FAXDC2: variants seen among roughly 807,000 people sequenced by gnomAD.
FAXDC2 encodes fatty acid hydroxylase domain-containing protein 2.
In FAXDC2, 41 loss-of-function variants were observed where a neutral mutation model predicts 40.9. That is an observed-to-expected ratio of 1.00 (90% confidence interval 0.78 to 1.30). The LOEUF is 1.30. FAXDC2 is among the 50% of genes most tolerant of loss of function. FAXDC2 has a pLI of 0.00. For synonymous variants in FAXDC2, 157 were observed against 149.3 expected, an observed-to-expected ratio of 1.05 and a Z score of -0.38; for missense variants, 390 against 408.8, an observed-to-expected ratio of 0.95 and a Z score of 0.40.
chr5:154,849,592 C>T (rs1350954590), intron 1 of FAXDC2, among the ~76,000 whole-genome samples: 1 of 152,168 alleles, frequency 6.6e-6, no homozygotes, highest in Non-Finnish European at 1.5e-5. Flanking sequence ...TCAACATTTG[C>T]TATGGAACAT....
chr5:154,834,414 TCTTAA>T (rs1301968290), intron 4 of FAXDC2, among the ~76,000 whole-genome samples: 1 of 152,138 alleles, frequency 6.6e-6, no homozygotes, highest in Non-Finnish European at 1.5e-5. Flanking sequence ...TTGGGAGGAG[TCTTAA>T]CTTCTCAGCT....
chr5:154,824,594 CCTT>C (rs1427552106), intron 5 of FAXDC2: 2 of 702,168 alleles, frequency 2.8e-6, no homozygotes, highest in African/African-American at 3.5e-5. Flanking sequence ...GGCCATTACA[CCTT>C]CTGGAAACCT....
At chr5:154,828,959 GC>G (rs1760119885) in intron 5 of FAXDC2, among the ~76,000 whole-genome samples, 1 of 141,426 alleles carries the variant, frequency 7.1e-6, no homozygotes, top group African/African-American at 2.7e-5. Flanking sequence ...TTGCTCTGTC[GC>G]CCAGGCTGGA....
At chr5:154,832,216 G>GA (rs60418216) in intron 4 of FAXDC2, among the ~76,000 whole-genome samples, 8 of 134,948 alleles carry the variant, frequency 5.9e-5, no homozygotes, top group Admixed American at 7.5e-5. Flanking sequence ...ATTTACTTTT[G>GA]TTTTTTTTTT....
chr5:154,846,933 TGTTTTTTTTTTAGTG>T (rs1345823263), intron 1 of FAXDC2, among the ~76,000 whole-genome samples: 2 of 151,796 alleles, frequency 1.3e-5, no homozygotes, highest in East Asian at 3.9e-4. Context: ...GTTTTTTGTT[TGTTTTTTTTTTAGTG>T]TGAACCAAGG....
chr5:154,848,456 C>T (rs1322385459), intron 1 of FAXDC2, among the ~76,000 whole-genome samples: 1 of 152,086 alleles, frequency 6.6e-6, no homozygotes, highest in Non-Finnish European at 1.5e-5. Context: ...GGCAACTGAC[C>T]CAAAGATTAG....
chr5:154,834,024 A>G (rs1355813604), intron 4 of FAXDC2, among the ~76,000 whole-genome samples: 1 of 148,952 alleles, frequency 6.7e-6, no homozygotes, highest in Non-Finnish European at 1.5e-5. Flanking sequence ...GTAACATTAT[A>G]TATTATATGT....
chr5:154,819,982 G>T lies in FAXDC2; in HGVS notation c.*334C>A. The T allele has an allele frequency of 5.3e-6, 1 of 189,930 alleles. No individual in the cohort carries two copies. The allele number at this position is 189,930 out of a possible 1,614,324, so 11.8% of individuals were successfully genotyped here. A position where few individuals can be genotyped will look rare whatever the true frequency, so the allele number is the denominator to read the frequency against. On this transcript the variant is annotated 3_prime_UTR_variant, in exon 9 of 9. Coordinates refer to ENST00000326080, the MANE Select transcript of FAXDC2 (RefSeq NM_032385.5). ...TCAGCCTTGTCATTCTCTGCATCCTGCCCAGGCCACAAAGGAGTTATCTGG... is the reference window on the plus strand; with the variant it reads ...TCAGCCTTGTCATTCTCTGCATCCTTCCCAGGCCACAAAGGAGTTATCTGG...
At chr5:154,840,287 G>T (rs1023516384) in intron 1 of FAXDC2, among the ~76,000 whole-genome samples, 1 of 152,100 alleles carries the variant, frequency 6.6e-6, no homozygotes, top group Non-Finnish European at 1.5e-5. Context: ...GGAGACGGGG[G>T]TCTTGAACTC....
rs112973743 is a variant in FAXDC2, at chr5:154,825,246, C to T, written c.367-1654G>A. On this transcript the variant is annotated intron_variant, in intron 5 of 8. Transcript: ENST00000326080. ...AGGCGTGGTGGCATGCACTTGTAGT[C>T]CCAGCTACTCGGGAGGCTGAGGCAG... Among the ~76,000 whole-genome samples, 210 of 151,954 alleles carry T rather than the reference C, an allele frequency of 1.4e-3. 1 individual carries two copies. The highest frequency in any genetic ancestry group is 4.9e-3 in the African/African-American group (202 of 41,426).
intron 1 of FAXDC2, among the ~76,000 whole-genome samples, chr5:154,846,668 AGCC>A (rs1316401109): frequency 6.6e-6 from 1 of 152,090 alleles, no homozygotes; most frequent in East Asian, 1.9e-4. Context: ...TACAGGCATG[AGCC>A]ACCATGCCTG....
intron 1 of FAXDC2, among the ~76,000 whole-genome samples, chr5:154,848,784 T>C (rs1288498214): frequency 6.6e-6 from 1 of 151,492 alleles, no homozygotes; most frequent in East Asian, 1.9e-4. Context: ...CTGGCCAACA[T>C]GGCGAAACTC....
At chr5:154,848,202 T>C (rs1760649628) in intron 1 of FAXDC2, among the ~76,000 whole-genome samples, 1 of 152,184 alleles carries the variant, frequency 6.6e-6, no homozygotes, top group Non-Finnish European at 1.5e-5. Flanking sequence ...TATTGTTTTG[T>C]AAACAACTTG....
intron 8 of FAXDC2, chr5:154,821,003 T>C (rs1759873609): frequency 2.2e-6 from 1 of 461,630 alleles, no homozygotes; most frequent in Admixed American, 4.3e-5. Flanking sequence ...ATATGTACTT[T>C]TCTAAAGAGA....
chr5:154,824,411 C>G lies in FAXDC2; in HGVS notation c.367-819G>C. On this transcript the variant is annotated intron_variant, in intron 5 of 8. Coordinates refer to ENST00000326080, the MANE Select transcript of FAXDC2 (RefSeq NM_032385.5). ...TTCCCTCTGTGAGCTGGAGGGATTT[C>G]TGCCCCAAAGCGCGACAGGTTCAGA... is the stretch of plus-strand genomic sequence containing the variant. 7.3e-6 allele frequency: 5 copies of G among 688,746 alleles called. No homozygotes were observed. The Admixed American group carries it at 1.0e-4, about 14-fold the overall frequency. 42.7% of individuals were successfully genotyped at this position (688,746 alleles called of 1,614,324 possible). A position where few individuals can be genotyped will look rare whatever the true frequency, so the allele number is the denominator to read the frequency against.
intron 5 of FAXDC2, chr5:154,824,272 A>G: frequency 1.8e-6 from 1 of 570,358 alleles, no homozygotes. Flanking sequence ...AGAATCAGCA[A>G]CCCTTTGACC....
At chr5:154,834,455 G>C (rs764176332) in intron 4 of FAXDC2, among the ~76,000 whole-genome samples, 170 bp downstream of exon 4, 19 of 152,082 alleles carry the variant, frequency 1.2e-4, no homozygotes, top group Non-Finnish European at 1.9e-4. Flanking sequence ...CCTGTTTTCA[G>C]ACTGCCCACA....
chr5:154,823,274 A>G, intron 6 of FAXDC2, 113 bp downstream of exon 6: 3 of 970,208 alleles, frequency 3.1e-6, no homozygotes, highest in Non-Finnish European at 4.7e-6. Flanking sequence ...TCAGCCTCCC[A>G]AATTGCCAGG....
intron 2 of FAXDC2, among the ~76,000 whole-genome samples, chr5:154,835,883 C>CTTTTTTTTTTTTTTTTTTT (rs869068025): frequency 2.5e-4 from 12 of 47,866 alleles, no homozygotes; most frequent in Non-Finnish European, 3.6e-4. Context: ...GCCCGGCCGA[C>CTTTTTTTTTTTTTTTTTTT]TTTTTTTTTT....
Sources: allele counts gnomAD v4.1 joint callset (sites outside exome capture counted in the v4.1 genomes callset), GRCh38; gene constraint gnomAD v4.1.1; transcripts MANE v1.5; gene names NCBI Gene and HGNC (gene_info 2026-07-23, HGNC 2026-07-21).